The following FHIT variants were observed in gnomAD, a reference collection of about 807,000 sequenced individuals.
FHIT encodes bis(5'-adenosyl)-triphosphatase.
Under a neutral mutation model 17.9 loss-of-function variants are expected in FHIT, and 19 were observed. That is an observed-to-expected ratio of 1.06 (90% confidence interval 0.74 to 1.56). FHIT has a LOEUF of 1.56. FHIT is among the 40% of genes most tolerant of loss of function. FHIT has a pLI of 0.00. For synonymous variants in FHIT, 81 were observed against 69.7 expected (o/e 1.16, Z -0.81); for missense variants, 248 against 189.2 (o/e 1.31, Z -1.82).
intron 8 of FHIT, among the ~76,000 whole-genome samples, chr3:59,916,366 T>A (rs1457068696): frequency 6.6e-6 from 1 of 152,080 alleles, no homozygotes; most frequent in Non-Finnish European, 1.5e-5. Context: ...TCCCTACTTT[T>A]GAGATTTTGG....
chr3:60,947,328 C>T (rs893954147), intron 3 of FHIT, among the ~76,000 whole-genome samples: 8 of 152,264 alleles, frequency 5.3e-5, no homozygotes, highest in East Asian at 1.9e-4. Context: ...ATTATTTCTT[C>T]TCCTAAGAAG....
At chr3:61,171,115 T>C (rs1245138948) in intron 2 of FHIT, among the ~76,000 whole-genome samples, 1 of 152,188 alleles carries the variant, frequency 6.6e-6, no homozygotes, top group Non-Finnish European at 1.5e-5. Flanking sequence ...CTAGCGTCTG[T>C]TACTTTTTTA....
At chr3:60,239,468 G>C (rs1705011491) in intron 5 of FHIT, among the ~76,000 whole-genome samples, 1 of 152,148 alleles carries the variant, frequency 6.6e-6, no homozygotes, top group Non-Finnish European at 1.5e-5. Flanking sequence ...AGGGGGCTAA[G>C]GCAGGAGTGT....
chr3:60,258,543 T>C (rs1417271197), intron 5 of FHIT, among the ~76,000 whole-genome samples: 2 of 151,276 alleles, frequency 1.3e-5, no homozygotes, highest in Non-Finnish European at 3.0e-5. Context: ...CCTAAGATTA[T>C]TACTTTAAAA....
chr3:60,936,969 T>C (rs1708218666), intron 3 of FHIT, among the ~76,000 whole-genome samples: 1 of 151,032 alleles, frequency 6.6e-6, no homozygotes, highest in South Asian at 2.1e-4. Context: ...CTAAACTGTA[T>C]TGCTAAGCAA....
chr3:59,981,476 C>G (rs540209848), intron 7 of FHIT, among the ~76,000 whole-genome samples: 1 of 152,254 alleles, frequency 6.6e-6, no homozygotes, highest in East Asian at 1.9e-4. Flanking sequence ...TGATTTCCTG[C>G]TGCAAAAATG....
intron 5 of FHIT, among the ~76,000 whole-genome samples, chr3:60,266,389 C>T (rs76148681): frequency 0.11 from 17,426 of 151,852 alleles, 1,203 homozygotes; most frequent in Middle Eastern, 0.16. Context: ...CCCAGGGCCG[C>T]GGAGGGGGCT....
chr3:59,890,839 G>C (rs1288939996), intron 8 of FHIT, among the ~76,000 whole-genome samples: 1 of 152,134 alleles, frequency 6.6e-6, no homozygotes, highest in Non-Finnish European at 1.5e-5. Flanking sequence ...ATTTTGCTTA[G>C]CTGAGCATTT....
intron 3 of FHIT, among the ~76,000 whole-genome samples, chr3:60,873,010 G>A (rs372129148): frequency 2.5e-4 from 38 of 152,144 alleles, no homozygotes; most frequent in African/African-American, 6.3e-4. Context: ...TAACTCTTGC[G>A]TTCTTAGATT....
intron 8 of FHIT, among the ~76,000 whole-genome samples, chr3:59,815,726 G>C (rs1247022136): frequency 6.6e-6 from 1 of 152,038 alleles, no homozygotes; most frequent in Non-Finnish European, 1.5e-5. Flanking sequence ...TGGACTCTGG[G>C]GACTCAAGGG....
chr3:60,155,138 A>T (rs1700624766), intron 5 of FHIT, among the ~76,000 whole-genome samples: 1 of 150,286 alleles, frequency 6.7e-6, no homozygotes, highest in South Asian at 2.1e-4. Context: ...ATAAGCCATG[A>T]TCATGCCACT....
intron 4 of FHIT, among the ~76,000 whole-genome samples, chr3:60,702,112 T>C (rs1189075201): frequency 1.3e-5 from 2 of 152,192 alleles, no homozygotes; most frequent in African/African-American, 2.4e-5. Flanking sequence ...ACTCTGCCCA[T>C]CTTGGCCTCC....
chr3:60,976,042 C>G (rs1476430611), intron 3 of FHIT, among the ~76,000 whole-genome samples: 1 of 146,216 alleles, frequency 6.8e-6, no homozygotes, highest in East Asian at 2.0e-4. Context: ...AAGCAAGATG[C>G]TTTCTTCAGG....
At chr3:60,294,123 G>C (rs1348369413) in intron 5 of FHIT, among the ~76,000 whole-genome samples, 1 of 152,088 alleles carries the variant, frequency 6.6e-6, no homozygotes, top group Admixed American at 6.6e-5. Context: ...GGAATCTACA[G>C]GACTTAAAAA....
intron 8 of FHIT, among the ~76,000 whole-genome samples, chr3:59,871,977 C>CA (rs1411215589): frequency 1.3e-5 from 2 of 152,128 alleles, no homozygotes; most frequent in Non-Finnish European, 2.9e-5. Context: ...GAATTACAGG[C>CA]AAAACCAAGG....
intron 7 of FHIT, among the ~76,000 whole-genome samples, chr3:59,960,026 G>A (rs2107340700): frequency 6.6e-6 from 1 of 152,312 alleles, no homozygotes; most frequent in South Asian, 2.1e-4. Flanking sequence ...GAGGGAAAGA[G>A]TGGTATGAGA....
intron 5 of FHIT, among the ~76,000 whole-genome samples, chr3:60,376,258 T>C (rs1193824788): frequency 6.6e-6 from 1 of 152,212 alleles, no homozygotes; most frequent in Non-Finnish European, 1.5e-5. Flanking sequence ...ATAGTGTCTA[T>C]TCAAAGAGCT....
intron 4 of FHIT, among the ~76,000 whole-genome samples, chr3:60,563,797 A>T (rs1263424372): frequency 6.6e-6 from 1 of 152,196 alleles, no homozygotes; most frequent in Non-Finnish European, 1.5e-5. Context: ...GCTAGCAGAG[A>T]TTGGTCATGA....
intron 3 of FHIT, among the ~76,000 whole-genome samples, chr3:60,914,228 T>C (rs1251223603): frequency 6.6e-6 from 1 of 152,170 alleles, no homozygotes; most frequent in East Asian, 1.9e-4. Context: ...TTTTAAGACA[T>C]GATATCTCCC....
Sources: gnomAD v4.1 joint callset for allele counts (sites outside exome capture counted in the v4.1 genomes callset) on GRCh38, gnomAD v4.1.1 for gene constraint, MANE v1.5 for transcripts, NCBI Gene and HGNC (gene_info 2026-07-23, HGNC 2026-07-21) for gene names.